The following GRID2 variants were observed in gnomAD, a reference collection of about 807,000 sequenced individuals.
The protein encoded by GRID2 is glutamate ionotropic receptor delta type subunit 2.
GRID2 carries 33 observed loss-of-function variants against 114.8 expected under a neutral mutation model. The observed-to-expected ratio is 0.29, with a 90% confidence interval of 0.22 to 0.38. The LOEUF (loss-of-function observed/expected upper bound fraction) is 0.38, where lower values mean the gene tolerates loss of function less well. GRID2 is among the 10% of genes least tolerant of loss of function. The pLI, the probability that GRID2 is intolerant of heterozygous loss-of-function variation, is 1.00. For synonymous variants in GRID2, 505 were observed against 449.9 expected (o/e 1.12, Z -1.55); for missense variants, 1,184 against 1,257.7 (o/e 0.94, Z 0.89).
At chr4:92,419,792 T>C (rs1293994098) in intron 1 of GRID2, among the ~76,000 whole-genome samples, 1 of 152,014 alleles carries the variant, frequency 6.6e-6, no homozygotes, top group African/African-American at 2.4e-5. Context: ...GAGGAAAAAA[T>C]GATTCACTAG....
At chr4:92,583,900 T>C (rs1728299185) in intron 1 of GRID2, among the ~76,000 whole-genome samples, 1 of 138,326 alleles carries the variant, frequency 7.2e-6, no homozygotes. Flanking sequence ...TATATATGTG[T>C]ATATATTTAT....
chr4:92,535,090 C>A (rs528620084), intron 1 of GRID2, among the ~76,000 whole-genome samples: 2 of 152,192 alleles, frequency 1.3e-5, no homozygotes, highest in South Asian at 2.1e-4. Context: ...GGCTAACTAT[C>A]CAGTTTTGAC....
intron 2 of GRID2, among the ~76,000 whole-genome samples, chr4:92,600,010 G>A (rs1378204243): frequency 7.3e-6 from 1 of 137,444 alleles, no homozygotes; most frequent in Non-Finnish European, 1.5e-5. Flanking sequence ...GGGCGACAGG[G>A]CAATACTTCA....
intron 14 of GRID2, among the ~76,000 whole-genome samples, chr4:93,713,774 C>T (rs1327441299): frequency 6.6e-6 from 1 of 152,056 alleles, no homozygotes; most frequent in Non-Finnish European, 1.5e-5. Context: ...TAGTATCAAA[C>T]TTTTTCACTC....
intron 1 of GRID2, among the ~76,000 whole-genome samples, chr4:92,512,246 A>G (rs1406081141): frequency 6.6e-6 from 1 of 151,846 alleles, no homozygotes; most frequent in African/African-American, 2.4e-5. Flanking sequence ...TATGTGTTAT[A>G]ACATATTTTA....
intron 2 of GRID2, among the ~76,000 whole-genome samples, chr4:92,647,778 A>G (rs1022650027): frequency 3.3e-5 from 5 of 149,766 alleles, no homozygotes; most frequent in Admixed American, 1.3e-4. Context: ...ACAAGTTTGG[A>G]AATTCATTAT....
At chr4:93,746,977 G>T (rs781081645) in intron 14 of GRID2, among the ~76,000 whole-genome samples, 16 of 151,872 alleles carry the variant, frequency 1.1e-4, no homozygotes, top group Non-Finnish European at 1.8e-4. Flanking sequence ...TTTTTGGTAT[G>T]TATGTGTTTT....
intron 4 of GRID2, among the ~76,000 whole-genome samples, chr4:93,205,292 G>A (rs112231374): frequency 3.5e-4 from 53 of 151,764 alleles, no homozygotes; most frequent in African/African-American, 9.9e-4. Flanking sequence ...ACCTATAAGT[G>A]GAGTATACAT....
At chr4:93,381,936 A>G (rs1763891458) in intron 8 of GRID2, among the ~76,000 whole-genome samples, 1 of 152,082 alleles carries the variant, frequency 6.6e-6, no homozygotes, top group African/African-American at 2.4e-5. Flanking sequence ...AGACAAGTCT[A>G]GTGTTAACAA....
intron 2 of GRID2, among the ~76,000 whole-genome samples, chr4:92,872,984 T>C (rs528399137): frequency 7.2e-5 from 11 of 152,304 alleles, no homozygotes; most frequent in African/African-American, 2.4e-4. Flanking sequence ...GAAGTCAACA[T>C]GGTGGATTAG....
chr4:92,505,396 C>A (rs1723909017), intron 1 of GRID2, among the ~76,000 whole-genome samples: 2 of 152,006 alleles, frequency 1.3e-5, no homozygotes, highest in African/African-American at 2.4e-5. Context: ...TAATATAGAT[C>A]TTTTCCCTAT....
chr4:93,026,631 G>T (rs537570353), intron 2 of GRID2, among the ~76,000 whole-genome samples: 2 of 151,826 alleles, frequency 1.3e-5, no homozygotes, highest in Non-Finnish European at 1.5e-5. Flanking sequence ...AATTTGGAGT[G>T]CATTTGTGAG....
intron 2 of GRID2, among the ~76,000 whole-genome samples, chr4:92,681,329 G>T (rs936179109): frequency 2.0e-5 from 3 of 152,160 alleles, no homozygotes; most frequent in African/African-American, 7.2e-5. Flanking sequence ...TGTGGGTGTG[G>T]ATCATGAACC....
At chr4:92,395,687 A>T (rs1730460641) in intron 1 of GRID2, among the ~76,000 whole-genome samples, 1 of 151,818 alleles carries the variant, frequency 6.6e-6, no homozygotes, top group Non-Finnish European at 1.5e-5. Flanking sequence ...AAAAAACTCT[A>T]GTTATAATAT....
intron 12 of GRID2, among the ~76,000 whole-genome samples, chr4:93,494,339 A>G (rs981242794): frequency 6.6e-6 from 1 of 151,724 alleles, no homozygotes; most frequent in Non-Finnish European, 1.5e-5. Flanking sequence ...CAATGGGCAG[A>G]GGTGGTTAGA....
intron 2 of GRID2, among the ~76,000 whole-genome samples, chr4:92,941,426 A>T (rs1330259578): frequency 6.6e-6 from 1 of 151,978 alleles, no homozygotes; most frequent in Non-Finnish European, 1.5e-5. Context: ...CCCCTTTATC[A>T]TTTTTTATTG....
intron 8 of GRID2, among the ~76,000 whole-genome samples, chr4:93,363,130 G>A (rs749111682): frequency 3.9e-5 from 6 of 152,130 alleles, no homozygotes; most frequent in Admixed American, 6.6e-5. Flanking sequence ...TGAGGCAGAA[G>A]AATCACTTGA....
At chr4:92,776,817 C>T (rs888123368) in intron 2 of GRID2, among the ~76,000 whole-genome samples, 2 of 151,810 alleles carry the variant, frequency 1.3e-5, no homozygotes, top group Admixed American at 6.6e-5. Context: ...GTGGAACTCA[C>T]TCTAGAGTAT....
At chr4:92,846,561 G>T (rs1458874089) in intron 2 of GRID2, among the ~76,000 whole-genome samples, 1 of 151,946 alleles carries the variant, frequency 6.6e-6, no homozygotes, top group African/African-American at 2.4e-5. Context: ...GCTTTTAGTT[G>T]CTTATCAGGT....
Sources: gnomAD v4.1 joint callset for allele counts (sites outside exome capture counted in the v4.1 genomes callset) on GRCh38, gnomAD v4.1.1 for gene constraint, MANE v1.5 for transcripts, NCBI Gene and HGNC (gene_info 2026-07-23, HGNC 2026-07-21) for gene names.